PEMT: variants seen among roughly 807,000 people sequenced by gnomAD.
The protein encoded by PEMT is phosphatidylethanolamine N-methyltransferase, also known as phospholipid methyltransferase.
PEMT carries 23 observed loss-of-function variants against 27.4 expected under a neutral mutation model. The ratio of observed to expected loss-of-function variants is 0.84; its 90% CI spans 0.60 to 1.19. PEMT has a LOEUF of 1.19. PEMT is among the 50% of genes most tolerant of loss of function. PEMT has a pLI of 0.00. For missense variants in PEMT, 307 were observed against 310.1 expected (o/e 0.99, Z 0.07); for synonymous variants, 137 against 139.1 (o/e 0.98, Z 0.11).
intron 3 of PEMT, among the ~76,000 whole-genome samples, chr17:17,520,311 G>C (rs1332816122): frequency 2.0e-5 from 3 of 152,218 alleles, no homozygotes; most frequent in African/African-American, 7.2e-5. Flanking sequence ...CCCGTCCCCT[G>C]ATGCTCCCAT....
chr17:17,561,743 G>C lies in PEMT; in HGVS notation c.204+15177C>G, dbSNP rs1286544858. Among the ~76,000 whole-genome samples the C allele has an allele frequency of 2.6e-5, 4 of 152,200 alleles. No homozygotes were observed. The highest frequency in any genetic ancestry group is 9.7e-5 in the African/African-American group (4 of 41,450). ...TGAGAGGCCCAGAGATATGAGGGGG[G>C]CACAACCGCACCGGGCTCCCGAGGA... On this transcript the variant is annotated intron_variant, in intron 2 of 6. Coordinates refer to ENST00000255389, the MANE Select transcript of PEMT (RefSeq NM_148172.3). This position sits in a 1 kb window ranked among gnomAD's most constrained non-coding sequence, Gnocchi z 4.5.
At chr17:17,510,518 C>T (rs775838406) in intron 4 of PEMT, among the ~76,000 whole-genome samples, 5 of 152,326 alleles carry the variant, frequency 3.3e-5, no homozygotes, top group Admixed American at 6.5e-5. Flanking sequence ...TCTGGGGACA[C>T]GGGGCAGGGC....
chr17:17,536,172 G>T (rs1597902389), intron 2 of PEMT, among the ~76,000 whole-genome samples: 1 of 152,238 alleles, frequency 6.6e-6, no homozygotes, highest in African/African-American at 2.4e-5. Context: ...AGGCGCTGGG[G>T]TGAGTGCAGC....
At chr17:17,580,247 G>A (rs1911895117) in intron 1 of PEMT, among the ~76,000 whole-genome samples, 1 of 152,044 alleles carries the variant, frequency 6.6e-6, no homozygotes, top group Non-Finnish European at 1.5e-5. Flanking sequence ...TGGGAGGCTA[G>A]GCAGGCAGAT....
At chr17:17,563,661 C>T (rs937214898) in intron 2 of PEMT, among the ~76,000 whole-genome samples, 2 of 152,218 alleles carry the variant, frequency 1.3e-5, no homozygotes, top group African/African-American at 4.8e-5. Flanking sequence ...GCAGGCAAAG[C>T]GACAGGTGTA....
At position 17,518,661 on chromosome 17, in the gene PEMT, C is replaced by T. The variant is rs577940809; in HGVS notation, c.320+3619G>A. ...GCCTCTCGGACATCCCATCCATGACCCAGGCTTGGCTCAAGCACGTGCCTG... is the reference window on the plus strand; with the variant it reads ...GCCTCTCGGACATCCCATCCATGACTCAGGCTTGGCTCAAGCACGTGCCTG... On this transcript the variant is annotated intron_variant, in intron 3 of 6. Coordinates refer to ENST00000255389, the MANE Select transcript of PEMT (RefSeq NM_148172.3). Among the ~76,000 whole-genome samples the T allele has an allele frequency of 3.8e-3, 584 of 152,326 alleles. 3 individuals are homozygous for T. Among genetic ancestry groups the T allele is most frequent in the African/African-American group, 0.012 (515 of 41,566 alleles).
chr17:17,588,478 C>T (rs1597973011), intron 1 of PEMT, among the ~76,000 whole-genome samples: 1 of 152,240 alleles, frequency 6.6e-6, no homozygotes, highest in East Asian at 1.9e-4. Flanking sequence ...TTCTTGAGGA[C>T]CACCCTTAGG....
At chr17:17,564,140 C>T (rs899509685) in intron 2 of PEMT, among the ~76,000 whole-genome samples, 1 of 152,212 alleles carries the variant, frequency 6.6e-6, no homozygotes, top group East Asian at 1.9e-4. Context: ...AGAAGAGCCA[C>T]AGACGCCACC....
At chr17:17,580,085 G>A (rs1193911542) in intron 1 of PEMT, among the ~76,000 whole-genome samples, 1 of 152,194 alleles carries the variant, frequency 6.6e-6, no homozygotes, top group Non-Finnish European at 1.5e-5. Flanking sequence ...GCCCTGAAGG[G>A]AGGGGAAGGG....
intron 2 of PEMT, among the ~76,000 whole-genome samples, chr17:17,567,569 G>A (rs1368801161): frequency 6.6e-6 from 1 of 152,276 alleles, no homozygotes; most frequent in Admixed American, 6.5e-5. Context: ...AAGGGGCCAG[G>A]GGAGTGAGCG....
At position 17,505,681 on chromosome 17, in the gene PEMT, G is replaced by A. The variant is rs568197691; in HGVS notation, c.*110C>T. Reference sequence around the variant, plus strand: ...GTTCCAAGGCACTGGGGCAGCCCACGCCGGGGGCGAGCCCTGAGCAGCAGG... The same window carrying A: ...GTTCCAAGGCACTGGGGCAGCCCACACCGGGGGCGAGCCCTGAGCAGCAGG... On this transcript the variant is annotated 3_prime_UTR_variant, in exon 7 of 7. Coordinates refer to ENST00000255389, the MANE Select transcript of PEMT (RefSeq NM_148172.3). 84 of 1,301,682 alleles carry A rather than the reference G, an allele frequency of 6.5e-5. No individual in the cohort carries two copies. In the South Asian group the frequency reaches 1.3e-3, roughly 19 times the overall value. 80.6% of individuals were successfully genotyped at this position (1,301,682 alleles called of 1,614,324 possible).
At chr17:17,552,555 G>T (rs1054161739) in intron 2 of PEMT, among the ~76,000 whole-genome samples, 2 of 152,224 alleles carry the variant, frequency 1.3e-5, no homozygotes, top group African/African-American at 2.4e-5. Context: ...CCATCAGGGC[G>T]GTGGGGAGTC....
chr17:17,576,053 G>C (rs1350671745), intron 2 of PEMT, among the ~76,000 whole-genome samples: 1 of 152,098 alleles, frequency 6.6e-6, no homozygotes, highest in East Asian at 1.9e-4. Flanking sequence ...GACGCTCAGG[G>C]CTCTGCATCA....
chr17:17,548,301 C>A (rs1909400921), intron 2 of PEMT, among the ~76,000 whole-genome samples: 1 of 152,266 alleles, frequency 6.6e-6, no homozygotes, highest in South Asian at 2.1e-4. Flanking sequence ...CGTGCTGCCC[C>A]TGAGGGCTGA....
intron 2 of PEMT, among the ~76,000 whole-genome samples, chr17:17,549,256 C>T (rs1909478695): frequency 1.3e-5 from 2 of 152,176 alleles, no homozygotes; most frequent in South Asian, 2.1e-4. Flanking sequence ...GTGGCACAAT[C>T]TTGGCTCACT....
Position 17,512,279 on chromosome 17 carries a change from TC to T in PEMT, c.466+229del, listed in dbSNP as rs978319754. Among the ~76,000 whole-genome samples the T allele has an allele frequency of 6.6e-6, 1 of 152,148 alleles. No individual in the cohort carries two copies. The highest frequency in any genetic ancestry group is 1.5e-5 in the Non-Finnish European group (1 of 68,022). ...GAGAAGCAGCAGGAGCTGCCTTCACTCCCCAGGAGGCAGCCGCTCAGCACGC... is the reference window on the plus strand; with the variant it reads ...GAGAAGCAGCAGGAGCTGCCTTCACTCCCAGGAGGCAGCCGCTCAGCACGC... On this transcript the variant is annotated intron_variant, in intron 4 of 6. Coordinates refer to ENST00000255389, the MANE Select transcript of PEMT (RefSeq NM_148172.3). This position sits in a 1 kb window ranked among gnomAD's most constrained non-coding sequence, Gnocchi z 6.3.
At chr17:17,560,118 G>A (rs190247261) in intron 2 of PEMT, among the ~76,000 whole-genome samples, 1 of 152,366 alleles carries the variant, frequency 6.6e-6, no homozygotes, top group Non-Finnish European at 1.5e-5. Flanking sequence ...CACCCCATGT[G>A]CTGTACACTG....
intron 2 of PEMT, among the ~76,000 whole-genome samples, chr17:17,557,966 C>T (rs1364142619): frequency 1.3e-5 from 2 of 152,188 alleles, no homozygotes; most frequent in Non-Finnish European, 2.9e-5. Flanking sequence ...CTGGGCTAAA[C>T]ACCAGAACCC....
intron 1 of PEMT, among the ~76,000 whole-genome samples, chr17:17,584,033 C>A (rs1912111627): frequency 6.6e-6 from 1 of 152,240 alleles, no homozygotes; most frequent in Non-Finnish European, 1.5e-5. Context: ...TGACAGCTCA[C>A]GTGCTCCAGC....
Sources: gnomAD v4.1 joint callset for allele counts (sites outside exome capture counted in the v4.1 genomes callset) on GRCh38, gnomAD v4.1.1 for gene constraint, Gnocchi (gnomAD v3.1) non-coding constraint, MANE v1.5 for transcripts, NCBI Gene and HGNC (gene_info 2026-07-23, HGNC 2026-07-21) for gene names.